The following SLC26A11 variants were observed in gnomAD, a reference collection of about 807,000 sequenced individuals.
SLC26A11 encodes the protein sodium-independent sulfate anion transporter.
In SLC26A11, 58 loss-of-function variants were observed where a neutral mutation model predicts 62.2. The observed-to-expected ratio is 0.93, with a 90% CI of 0.76 to 1.16. The LOEUF (loss-of-function observed/expected upper bound fraction) is 1.16, where lower values mean the gene tolerates loss of function less well. SLC26A11 is among the 50% of genes most tolerant of loss of function. The pLI is 0.00. For missense variants in SLC26A11, 790 were observed against 794.3 expected, an observed-to-expected ratio of 0.99 and a Z score of 0.06; for synonymous variants, 411 against 368.9, an observed-to-expected ratio of 1.11 and a Z score of -1.31.
At position 80,222,571 on chromosome 17, in the gene SLC26A11, A is replaced by G. The variant is rs1314122863; in HGVS notation, c.235-84A>G. The G allele has an allele frequency of 1.4e-6, 2 of 1,398,484 alleles. No homozygotes were observed. The highest frequency in any genetic ancestry group is 1.4e-5 in the African/African-American group (1 of 70,858). The allele number at this position is 1,398,484 out of a possible 1,614,324, so 86.6% of individuals were successfully genotyped here. A position where few individuals can be genotyped will look rare whatever the true frequency, so the allele number is the denominator to read the frequency against. On this transcript the variant is annotated intron_variant, in intron 3 of 17. Transcript: ENST00000361193. The surrounding 1 kb of genome is among the most constrained non-coding windows in gnomAD (Gnocchi z 4.7). ...GGGCCTGGACACAGCTGACACCCACACATCCCGAGCTTGGACACGCACACT... is the reference window on the plus strand; with the variant it reads ...GGGCCTGGACACAGCTGACACCCACGCATCCCGAGCTTGGACACGCACACT...
At chr17:80,232,133 A>T (rs1347942330) in intron 7 of SLC26A11, among the ~76,000 whole-genome samples, 1 of 152,130 alleles carries the variant, frequency 6.6e-6, no homozygotes, top group Non-Finnish European at 1.5e-5. Flanking sequence ...AACATATAGA[A>T]TTATAATTTT....
chr17:80,227,752 G>C (rs2042449513), intron 6 of SLC26A11, 66 bp from the exon 7 acceptor site: 13 of 1,561,430 alleles, frequency 8.3e-6, no homozygotes, highest in Middle Eastern at 3.8e-4. Flanking sequence ...AGCAGCAGCA[G>C]GATGCTTGAG....
intron 9 of SLC26A11, among the ~76,000 whole-genome samples, chr17:80,239,376 G>C (rs1203336194): frequency 6.7e-6 from 1 of 149,510 alleles, no homozygotes; most frequent in Non-Finnish European, 1.5e-5. Context: ...ACCATGCTCA[G>C]CCCTCCAGTA....
chr17:80,224,651 T>A (rs1406857401), intron 5 of SLC26A11, among the ~76,000 whole-genome samples: 4 of 152,270 alleles, frequency 2.6e-5, no homozygotes, highest in African/African-American at 9.6e-5. Flanking sequence ...TCTACACGCA[T>A]CTCTCAGGGT....
In SLC26A11 at chr17:80,222,319, T is replaced by C; in HGVS notation, c.235-336T>C. On this transcript the variant is annotated intron_variant, in intron 3 of 17. Coordinates refer to ENST00000361193, the MANE Select transcript of SLC26A11 (RefSeq NM_001166347.2). This position sits in a 1 kb window ranked among gnomAD's most constrained non-coding sequence, Gnocchi z 4.7. ...TGAACCCGGGAGGCGGAGCTTGCAG[T>C]GAGCCGAGACTGTGCCACTGCCCTC... 1 of 219,908 alleles carries C rather than the reference T, an allele frequency of 4.5e-6. No individual in the cohort carries two copies. Among genetic ancestry groups the C allele is most frequent in the Non-Finnish European group, 8.7e-6 (1 of 114,552 alleles). The allele number at this position is 219,908 out of a possible 1,614,324, so 13.6% of individuals were successfully genotyped here.
Position 80,245,179 on chromosome 17 carries a change from T to G in SLC26A11, c.1037-17T>G. 6.2e-7 allele frequency: 1 copy of G among 1,613,542 alleles called. No homozygotes were observed. Among genetic ancestry groups the G allele is most frequent in the Non-Finnish European group, 8.5e-7 (1 of 1,179,688 alleles). ...GTGCCTTCCCTCCACGATCAGCCTGTCTTGCCTCCTCCCCAGGTCTCACCA... is the reference window on the plus strand; with the variant it reads ...GTGCCTTCCCTCCACGATCAGCCTGGCTTGCCTCCTCCCCAGGTCTCACCA... On this transcript the variant is annotated splice_polypyrimidine_tract_variant and intron_variant, in intron 10 of 17. Transcript: ENST00000361193.
intron 9 of SLC26A11, among the ~76,000 whole-genome samples, chr17:80,238,810 A>AT (rs2042769333): frequency 8.3e-6 from 1 of 120,878 alleles, no homozygotes; most frequent in African/African-American, 3.7e-5. Context: ...CCTTCAAAGG[A>AT]GTTTTTTTTG....
In SLC26A11 at chr17:80,222,867, C is replaced by G. The variant is rs1463639594; in HGVS notation, c.427+20C>G. 1 of 1,611,640 alleles carries G rather than the reference C, an allele frequency of 6.2e-7. No homozygotes were observed. The highest frequency in any genetic ancestry group is 8.5e-7 in the Non-Finnish European group (1 of 1,178,476). ...GTTTGGGTGAGGCTCTACCTTCTTG[C>G]CAAGGGGATGCCCTCGACCTCAGCA... is the stretch of plus-strand genomic sequence containing the variant. On this transcript the variant is annotated intron_variant, in intron 4 of 17. Transcript: ENST00000361193. This position sits in a 1 kb window ranked among gnomAD's most constrained non-coding sequence, Gnocchi z 4.7.
chr17:80,237,156 G>A, intron 8 of SLC26A11, 53 bp downstream of exon 8: 2 of 1,576,216 alleles, frequency 1.3e-6, no homozygotes, highest in South Asian at 2.3e-5. Context: ...GTGGCCCCTG[G>A]CCTGGCTCCT....
intron 2 of SLC26A11, 46 bp downstream of exon 2, chr17:80,221,161 T>A (rs189580668): frequency 1.7e-5 from 3 of 172,560 alleles, no homozygotes; most frequent in Admixed American, 1.3e-4. Context: ...CCCCGTTAAA[T>A]TCCCTGGGGA....
In SLC26A11 at chr17:80,238,739, A is replaced by T. The variant is rs2042766654; in HGVS notation, c.985+1145A>T. Among the ~76,000 whole-genome samples the T allele has an allele frequency of 2.6e-5, 4 of 151,860 alleles. No homozygotes were observed. The South Asian group carries it at 8.3e-4, about 32-fold the overall frequency. On this transcript the variant is annotated intron_variant, in intron 9 of 17. Transcript: ENST00000361193. ...ACTGTGTAAATCGTGTTTACTGCCT[A>T]GCCCAGGCTGTGCCAGGGTAAAGTT...
rs903131145 is a variant in SLC26A11 at position 80,228,631 on chromosome 17, G to C, written c.736+671G>C. ...AGTTGCTGGCAACTAGCGAGGAGGG[G>C]CCAGGAATGCCACTAAGCCCCTGAC... On this transcript the variant is annotated intron_variant, in intron 7 of 17. Transcript: ENST00000361193. The surrounding 1 kb of genome is among the most constrained non-coding windows in gnomAD (Gnocchi z 4.1). Among the ~76,000 whole-genome samples, 2 of 152,226 alleles carry C rather than the reference G, an allele frequency of 1.3e-5. No individual in the cohort carries two copies. Among genetic ancestry groups the C allele is most frequent in the African/African-American group, 2.4e-5 (1 of 41,468 alleles).
rs1369143355 is a variant in SLC26A11, at chr17:80,227,902, C to G, written c.678C>G (p.His226Gln). The G allele has an allele frequency of 6.2e-7, 1 of 1,601,508 alleles. No individual in the cohort carries two copies. Among genetic ancestry groups the G allele is most frequent in the Non-Finnish European group, 8.5e-7 (1 of 1,179,844 alleles). Residue 226 changes from histidine to glutamine, a missense_variant, in exon 7 of 18, where the codon CAC (histidine) becomes CAG (glutamine). By Grantham distance (24) the His-to-Gln change is conservative. Transcript: ENST00000361193. ...TGCGGGACCACGTGCCTCCCGTCCA[C>G]CCCGAGATGCCCCCTGGTGTGCGGC... ...KLMRDHVPPV[H>Q]PEMPPGVRLS...
At chr17:80,231,325 G>T (rs1440316212) in intron 7 of SLC26A11, among the ~76,000 whole-genome samples, 1 of 151,498 alleles carries the variant, frequency 6.6e-6, no homozygotes, top group Non-Finnish European at 1.5e-5. Context: ...ACCATGCCTG[G>T]CTAATTTTTT....
At position 80,222,928 on chromosome 17, in the gene SLC26A11, CGT is replaced by C. The variant is rs2042264320; in HGVS notation, c.427+89_427+90del. On this transcript the variant is annotated intron_variant, in intron 4 of 17. Transcript: ENST00000361193. The surrounding 1 kb of genome is among the most constrained non-coding windows in gnomAD (Gnocchi z 4.7). ...TGCATTTCAAGTCTATCCCCGTGTG[CGT>C]GTGTGTGCGTGTTGGGGTGTGGGTA... 2 of 1,186,822 alleles carry C rather than the reference CGT, an allele frequency of 1.7e-6. No individual in the cohort carries two copies. Among genetic ancestry groups the C allele is most frequent in the South Asian group, 2.6e-5 (2 of 76,972 alleles). The allele number at this position is 1,186,822 out of a possible 1,614,324, so 73.5% of individuals were successfully genotyped here. A position where few individuals can be genotyped will look rare whatever the true frequency, so the allele number is the denominator to read the frequency against.
At chr17:80,236,738 G>A (rs893307233) in intron 7 of SLC26A11, 190 bp from the exon 8 acceptor site, 19 of 624,178 alleles carry the variant, frequency 3.0e-5, no homozygotes, top group South Asian at 1.9e-4. Context: ...CAGCTCTGCC[G>A]TCCCACCTGC....
chr17:80,235,467 T>C (rs55663023), intron 7 of SLC26A11, among the ~76,000 whole-genome samples: 3,528 of 152,094 alleles, frequency 0.023, 117 homozygotes, highest in African/African-American at 0.075. Flanking sequence ...AGTTATCATC[T>C]CACCTCAGCC....
At chr17:80,236,470 G>C (rs2042694135) in intron 7 of SLC26A11, among the ~76,000 whole-genome samples, 1 of 152,228 alleles carries the variant, frequency 6.6e-6, no homozygotes, top group East Asian at 1.9e-4. Context: ...GGCAGTGATA[G>C]ACTCACCTCC....
At position 80,248,585 on chromosome 17, in the gene SLC26A11, G is replaced by A. The variant is rs2043073729; in HGVS notation, c.1433G>A (p.Gly478Glu). The change falls in exon 15 of 18, where the codon GGG becomes GAG. Residue 478 changes from glycine (G) to glutamate (E), a missense_variant. Coordinates refer to ENST00000361193, the MANE Select transcript of SLC26A11 (RefSeq NM_001166347.2). The stretch of plus-strand genomic sequence containing the variant: ...CACTCCTCCCCACAGGTGTCAGAGG[G>A]GCCGGTTCTGGTCCTGCAGCCGGCC... ...AARPETKVSE[G>E]PVLVLQPASG... 1.9e-6 allele frequency: 3 copies of A among 1,582,098 alleles called. No individual in the cohort carries two copies. Among genetic ancestry groups the A allele is most frequent in the African/African-American group, 1.3e-5 (1 of 74,158 alleles).
Sources: gnomAD v4.1 joint callset for allele counts (sites outside exome capture counted in the v4.1 genomes callset) on GRCh38, gnomAD v4.1.1 for gene constraint, Gnocchi (gnomAD v3.1) non-coding constraint, MANE v1.5 for transcripts, NCBI Gene and HGNC (gene_info 2026-07-23, HGNC 2026-07-21) for gene names.